The following MAPK10 variants were observed in gnomAD, a reference collection of about 807,000 sequenced individuals.
The protein encoded by MAPK10 is mitogen-activated protein kinase 10.
MAPK10 carries 25 observed loss-of-function variants against 59.3 expected under a neutral mutation model. The ratio of observed to expected loss-of-function variants is 0.42; its 90% CI spans 0.31 to 0.59. The LOEUF is 0.59. Ranked by LOEUF, MAPK10 falls within the 20% of genes least tolerant of loss-of-function variation. The pLI is 0.15. For synonymous variants in MAPK10, 190 were observed against 200.5 expected (o/e 0.95, Z 0.44); for missense variants, 351 against 568.9 (o/e 0.62, Z 3.90).
At chr4:86,562,686 C>T (rs909697842) in intron 1 of MAPK10, among the ~76,000 whole-genome samples, 3 of 151,934 alleles carry the variant, frequency 2.0e-5, no homozygotes, top group Non-Finnish European at 4.4e-5. Context: ...CAGGACAAGA[C>T]CCTGTCTCAA....
intron 1 of MAPK10, among the ~76,000 whole-genome samples, chr4:86,517,041 TGTGA>T (rs1189478667): frequency 6.6e-6 from 1 of 152,192 alleles, no homozygotes; most frequent in Non-Finnish European, 1.5e-5. Context: ...TAAAGTTGTC[TGTGA>T]GTATGTCATA....
intron 11 of MAPK10, among the ~76,000 whole-genome samples, chr4:86,047,077 A>G (rs1347499998): frequency 6.6e-6 from 1 of 151,674 alleles, no homozygotes; most frequent in Non-Finnish European, 1.5e-5. Flanking sequence ...AACTATTATT[A>G]GTATTATTTT....
At chr4:86,558,788 A>G (rs1225689101) in intron 1 of MAPK10, among the ~76,000 whole-genome samples, 1 of 152,040 alleles carries the variant, frequency 6.6e-6, no homozygotes, top group African/African-American at 2.4e-5. Flanking sequence ...TACCCTGAAG[A>G]AATTAGAGTA....
Position 86,537,903 on chromosome 4 carries a change from C to T in MAPK10, c.-263+56007G>A, listed in dbSNP as rs115073520. On this transcript the variant is annotated intron_variant, in intron 1 of 4. Coordinates refer to the MAPK10 transcript ENST00000502302. ...CTTGTTTTATAAATCTTTTCCCACCCCTCTTTTGTAAAGATAGTGTCCTGT... is the reference window on the plus strand; with the variant it reads ...CTTGTTTTATAAATCTTTTCCCACCTCTCTTTTGTAAAGATAGTGTCCTGT... 9.2e-3 allele frequency among the ~76,000 whole-genome samples: 1,401 copies of T among 152,152 alleles called. 33 individuals carry two copies. Among genetic ancestry groups the T allele is most frequent in the African/African-American group, 0.032 (1,348 of 41,524 alleles).
At chr4:86,456,512 A>G (rs1379947685), upstream of MAPK10, among the ~76,000 whole-genome samples, 1 of 152,144 alleles carries the variant, frequency 6.6e-6, no homozygotes, top group African/African-American at 2.4e-5. Context: ...AAGATCATTC[A>G]AGGCTACTAT....
At chr4:86,455,893 A>T (rs181114860), upstream of MAPK10, among the ~76,000 whole-genome samples, 31 of 152,338 alleles carry the variant, frequency 2.0e-4, no homozygotes, top group Non-Finnish European at 3.5e-4. Context: ...TCCAAGATAG[A>T]CTGTATGATA....
At chr4:86,188,946 G>C (rs1279825019) in intron 3 of MAPK10, among the ~76,000 whole-genome samples, 1 of 152,106 alleles carries the variant, frequency 6.6e-6, no homozygotes, top group East Asian at 1.9e-4. Context: ...GTAAGGAAAG[G>C]GTCCAGTTTC....
chr4:86,048,429 A>G (rs774343799), intron 11 of MAPK10, among the ~76,000 whole-genome samples: 6 of 152,152 alleles, frequency 3.9e-5, no homozygotes, highest in Non-Finnish European at 7.4e-5. Flanking sequence ...CCCCAAGGAT[A>G]TTCTGTAGGA....
intron 1 of MAPK10, among the ~76,000 whole-genome samples, chr4:86,369,931 C>T (rs373170361): frequency 6.6e-6 from 1 of 152,158 alleles, no homozygotes; most frequent in East Asian, 1.9e-4. Flanking sequence ...ATATTCACTT[C>T]ACAGACTTTT....
At chr4:86,356,967 T>C (rs1261696489) in intron 1 of MAPK10, 1 of 152,192 alleles carries the variant, frequency 6.6e-6, no homozygotes, top group Non-Finnish European at 1.5e-5. Flanking sequence ...AAATAGAGCA[T>C]TGTACTCCAT....
At chr4:86,389,518 TTTA>T (rs1475121668) in intron 1 of MAPK10, among the ~76,000 whole-genome samples, 1 of 152,022 alleles carries the variant, frequency 6.6e-6, no homozygotes, top group Admixed American at 6.6e-5. Flanking sequence ...GTTTTTAGAG[TTTA>T]TTGTTTATCT....
At chr4:86,121,679 G>C (rs2059278264) in intron 4 of MAPK10, among the ~76,000 whole-genome samples, 1 of 151,984 alleles carries the variant, frequency 6.6e-6, no homozygotes, top group African/African-American at 2.4e-5. Flanking sequence ...GCTAATTCAA[G>C]CTAATTAACA....
chr4:86,518,404 A>C (rs1756862474), intron 1 of MAPK10, among the ~76,000 whole-genome samples: 1 of 152,186 alleles, frequency 6.6e-6, no homozygotes, highest in African/African-American at 2.4e-5. Flanking sequence ...GTGCACATAA[A>C]GGTGTTCATA....
Position 86,280,795 on chromosome 4 carries a change from C to A in MAPK10, c.-7+73735G>T, listed in dbSNP as rs113191560. 4.9e-3 allele frequency among the ~76,000 whole-genome samples: 741 copies of A among 152,190 alleles called. 9 individuals are homozygous for A. Among genetic ancestry groups the A allele is most frequent in the African/African-American group, 0.017 (700 of 41,534 alleles). The stretch of plus-strand genomic sequence containing the variant: ...AAGAACAAAATCGTGTCCTTTGCAG[C>A]AACATAGATGCAACCAGAGGCCACT... On this transcript the variant is annotated intron_variant, in intron 2 of 13. Transcript: ENST00000641462.
At chr4:86,275,179 G>T (rs2094538106) in intron 2 of MAPK10, among the ~76,000 whole-genome samples, 1 of 151,932 alleles carries the variant, frequency 6.6e-6, no homozygotes, top group South Asian at 2.1e-4. Context: ...GCTCTTAAAA[G>T]AATTCTTCCA....
At chr4:86,351,396 AACACACACAC>A (rs142964843) in intron 2 of MAPK10, among the ~76,000 whole-genome samples, 77 of 132,546 alleles carry the variant, frequency 5.8e-4, no homozygotes, top group Non-Finnish European at 7.8e-4. Context: ...TGTATACACA[AACACACACAC>A]ACACACACAC....
At chr4:86,457,214 A>G (rs1025900986), upstream of MAPK10, among the ~76,000 whole-genome samples, 1 of 152,222 alleles carries the variant, frequency 6.6e-6, no homozygotes, top group Non-Finnish European at 1.5e-5. Context: ...TGAATGGGGA[A>G]AAGTTGAAAG....
intron 9 of MAPK10, among the ~76,000 whole-genome samples, chr4:86,077,691 T>C (rs113079220): frequency 0.026 from 3,983 of 152,320 alleles, 176 homozygotes; most frequent in African/African-American, 0.091. Context: ...TCCAATACTT[T>C]GTGCAAAAAT....
intron 3 of MAPK10, among the ~76,000 whole-genome samples, chr4:86,173,472 G>C (rs533983476): frequency 9.2e-5 from 14 of 151,800 alleles, no homozygotes; most frequent in Non-Finnish European, 1.9e-4. Context: ...AAATTAACTC[G>C]AGATGGATTA....
Sources: allele counts gnomAD v4.1 joint callset (sites outside exome capture counted in the v4.1 genomes callset), GRCh38; gene constraint gnomAD v4.1.1; transcripts MANE v1.5; gene names NCBI Gene and HGNC (gene_info 2026-07-23, HGNC 2026-07-21).